SGK3: variants seen among roughly 807,000 people sequenced by gnomAD.
The protein encoded by SGK3 is serine/threonine-protein kinase Sgk3.
In SGK3, 47 loss-of-function variants were observed where a neutral mutation model predicts 68.5. The observed-to-expected ratio is 0.69, with a 90% CI of 0.54 to 0.87. SGK3 has a LOEUF of 0.87. Ranked by LOEUF, SGK3 falls within the 40% of genes least tolerant of loss-of-function variation. The pLI is 0.00. For synonymous variants in SGK3, 181 were observed against 189.1 expected, an observed-to-expected ratio of 0.96 and a Z score of 0.35; for missense variants, 479 against 575.5, an observed-to-expected ratio of 0.83 and a Z score of 1.72.
chr8:66,715,265 GT>G (rs1198372991), intron 1 of SGK3, among the ~76,000 whole-genome samples: 7 of 111,654 alleles, frequency 6.3e-5, no homozygotes, highest in South Asian at 2.5e-4. Flanking sequence ...TTCTTTCTTT[GT>G]TTTTTTTTTG....
At chr8:66,775,906 A>T (rs1345368607) in intron 1 of SGK3, among the ~76,000 whole-genome samples, 6 of 151,752 alleles carry the variant, frequency 4.0e-5, no homozygotes, top group Admixed American at 3.9e-4. Context: ...AATTTGCCTA[A>T]CTTTTCTATG....
chr8:66,743,671 G>C (rs1314101260), intron 1 of SGK3, among the ~76,000 whole-genome samples: 4 of 152,230 alleles, frequency 2.6e-5, no homozygotes, highest in Non-Finnish European at 4.4e-5. Context: ...ACAGGCAAGT[G>C]CCACCATGCC....
intron 1 of SGK3, among the ~76,000 whole-genome samples, chr8:66,788,725 T>A (rs147423377): frequency 9.2e-5 from 14 of 152,346 alleles, no homozygotes; most frequent in Non-Finnish European, 1.5e-4. Flanking sequence ...TCACTTGAGG[T>A]GGGATATCCT....
At chr8:66,757,003 A>G (rs151050545) in intron 1 of SGK3, among the ~76,000 whole-genome samples, 8 of 152,132 alleles carry the variant, frequency 5.3e-5, no homozygotes, top group South Asian at 4.1e-4. Context: ...TAAGTTTATT[A>G]TATACTTCTG....
chr8:66,729,160 A>C lies in SGK3; in HGVS notation c.-122+16327A>C, dbSNP rs143781505. On this transcript the variant is annotated intron_variant, in intron 1 of 16. Transcript: ENST00000521198. ...AATGAACCCAGGAGGCGGAGCTTGC[A>C]GTGAGCCGAGATCGCGCCTCTGCAC... 2.9e-3 allele frequency among the ~76,000 whole-genome samples: 436 copies of C among 151,168 alleles called. 3 individuals carry two copies. Among genetic ancestry groups the C allele is most frequent in the African/African-American group, 0.01 (424 of 41,126 alleles).
At chr8:66,829,978 C>A (rs1318818257) in intron 7 of SGK3, among the ~76,000 whole-genome samples, 1 of 151,936 alleles carries the variant, frequency 6.6e-6, no homozygotes, top group African/African-American at 2.4e-5. Flanking sequence ...GTTCTCCCTC[C>A]TGAGCCTTCT....
intron 15 of SGK3, among the ~76,000 whole-genome samples, chr8:66,847,728 C>CA (rs1407213898): frequency 6.6e-6 from 1 of 152,264 alleles, no homozygotes; most frequent in Admixed American, 6.5e-5. Flanking sequence ...ACTAATAACA[C>CA]AGAGACTAAC....
At chr8:66,840,625 G>A (rs1207463338) in intron 12 of SGK3, 1 of 209,282 alleles carries the variant, frequency 4.8e-6, no homozygotes, top group Middle Eastern at 1.8e-3. Flanking sequence ...AATTTCATAT[G>A]GATCTATAAT....
chr8:66,820,995 C>A (rs994455470), intron 5 of SGK3, among the ~76,000 whole-genome samples: 2 of 152,168 alleles, frequency 1.3e-5, no homozygotes, highest in Non-Finnish European at 2.9e-5. Context: ...CATGAGCCAC[C>A]ACTCCTGGCT....
intron 10 of SGK3, among the ~76,000 whole-genome samples, chr8:66,838,062 A>C (rs1438926068): frequency 6.6e-6 from 1 of 152,010 alleles, no homozygotes; most frequent in Non-Finnish European, 1.5e-5. Context: ...ATGCCATGAA[A>C]TTTTCTTTCT....
At chr8:66,776,784 T>G (rs1358918701) in intron 1 of SGK3, among the ~76,000 whole-genome samples, 1 of 152,230 alleles carries the variant, frequency 6.6e-6, no homozygotes, top group Non-Finnish European at 1.5e-5. Flanking sequence ...AGTAGTACCT[T>G]TGATTTAAAT....
chr8:66,830,012 C>G (rs1465837691), intron 7 of SGK3, among the ~76,000 whole-genome samples: 1 of 152,062 alleles, frequency 6.6e-6, no homozygotes, highest in Admixed American at 6.6e-5. Context: ...TACAGGCAGC[C>G]ACCATCATGC....
chr8:66,719,696 C>T (rs768239971), intron 1 of SGK3, among the ~76,000 whole-genome samples: 6 of 152,000 alleles, frequency 3.9e-5, no homozygotes, highest in African/African-American at 7.3e-5. Context: ...CATAGTATTC[C>T]GCTTTATAAT....
At chr8:66,721,283 A>G (rs1191077584) in intron 1 of SGK3, among the ~76,000 whole-genome samples, 3 of 152,246 alleles carry the variant, frequency 2.0e-5, no homozygotes, top group Non-Finnish European at 4.4e-5. Context: ...CACAGTGTAT[A>G]GCAGGTGTGG....
In SGK3 at chr8:66,777,757, CAACA is replaced by C. The variant is rs548761579; in HGVS notation, c.-121-15858_-121-15855del. Reference sequence around the variant, plus strand: ...AAAGCCTGACATTCAGAATTCCCTACAACATGATTTAAAGCCCACTTTTACAGTC... The same window carrying C: ...AAAGCCTGACATTCAGAATTCCCTACTGATTTAAAGCCCACTTTTACAGTC... On this transcript the variant is annotated intron_variant, in intron 1 of 16. Coordinates refer to ENST00000521198, the MANE Select transcript of SGK3 (RefSeq NM_001033578.3). Among the ~76,000 whole-genome samples, 816 of 152,282 alleles carry C rather than the reference CAACA, an allele frequency of 5.4e-3. 10 individuals are homozygous for C. Among genetic ancestry groups the C allele is most frequent in the African/African-American group, 0.018 (733 of 41,540 alleles).
At chr8:66,779,576 ATATATATATATATATATATATATAT>A (rs1427547657) in intron 1 of SGK3, among the ~76,000 whole-genome samples, 1 of 123,352 alleles carries the variant, frequency 8.1e-6, no homozygotes, top group African/African-American at 3.0e-5. Flanking sequence ...ATATATATAT[ATATATATATATATATATATATATAT>A]AAAACACATT....
At chr8:66,721,462 A>G (rs1332800523) in intron 1 of SGK3, among the ~76,000 whole-genome samples, 1 of 152,222 alleles carries the variant, frequency 6.6e-6, no homozygotes, top group Non-Finnish European at 1.5e-5. Context: ...AATCATGGTA[A>G]TACATTTAAG....
At chr8:66,854,186 A>G (rs1810408564) in intron 16 of SGK3, among the ~76,000 whole-genome samples, 1 of 152,120 alleles carries the variant, frequency 6.6e-6, no homozygotes, top group Admixed American at 6.5e-5. Context: ...CCCTTTTTGA[A>G]ATATTGACTA....
chr8:66,759,905 G>A (rs900232340), intron 1 of SGK3, among the ~76,000 whole-genome samples: 6 of 152,036 alleles, frequency 3.9e-5, no homozygotes, highest in Admixed American at 3.3e-4. Flanking sequence ...CTCTTAAAAG[G>A]ACCCTTGTCA....
Sources: allele counts gnomAD v4.1 joint callset (sites outside exome capture counted in the v4.1 genomes callset), GRCh38; gene constraint gnomAD v4.1.1; transcripts MANE v1.5; gene names NCBI Gene and HGNC (gene_info 2026-07-23, HGNC 2026-07-21).